SHROOM3: variants seen among roughly 807,000 people sequenced by gnomAD.
SHROOM3 encodes shroom family member 3.
In SHROOM3, 47 loss-of-function variants were observed where a neutral mutation model predicts 138.6. The ratio of observed to expected loss-of-function variants is 0.34; its 90% CI spans 0.27 to 0.43. The LOEUF is 0.43. Ranked by LOEUF, SHROOM3 falls within the 20% of genes least tolerant of loss-of-function variation. SHROOM3 has a pLI of 1.00. For synonymous variants in SHROOM3, 1,062 were observed against 1,063.3 expected (o/e 1.00, Z 0.02); for missense variants, 2,491 against 2,596.5 (o/e 0.96, Z 0.88).
intron 1 of SHROOM3, among the ~76,000 whole-genome samples, chr4:76,444,294 A>G (rs113450947): frequency 0.077 from 11,652 of 150,476 alleles, 529 homozygotes; most frequent in African/African-American, 0.12. Flanking sequence ...ATATGTATAT[A>G]TGTATATATA....
In SHROOM3 at chr4:76,741,357, G is replaced by C. The variant is rs770488289; in HGVS notation, c.3184G>C (p.Glu1062Gln). ...SSVADRRRLF[E>Q]RDGKACSTLS... Reference sequence around the variant, plus strand: ...CGTGGCCGACCGGCGCCGTCTCTTCGAGCGCGATGGCAAGGCCTGCTCCAC... The same window carrying C: ...CGTGGCCGACCGGCGCCGTCTCTTCCAGCGCGATGGCAAGGCCTGCTCCAC... Residue 1062 changes from glutamate to glutamine, a missense_variant, in exon 5 of 11, where the codon GAG becomes CAG. By Grantham distance (29) the Glu-to-Gln change is conservative (BLOSUM62 2). Coordinates refer to ENST00000296043, the MANE Select transcript of SHROOM3 (RefSeq NM_020859.4). This position sits in a 1 kb window ranked among gnomAD's most constrained non-coding sequence, Gnocchi z 6.2. 1.9e-6 allele frequency: 3 copies of C among 1,608,110 alleles called. No individual in the cohort carries two copies. Among genetic ancestry groups the C allele is most frequent in the South Asian group, 2.2e-5 (2 of 90,198 alleles).
rs1248987705 is a variant in SHROOM3 at position 76,667,261 on chromosome 4, G to A, written c.324-42895G>A. ...TGAATATACTTAATGCCCCTGGACT[G>A]TACACTTACATGTGGTTAAGATGGT... is the stretch of plus-strand genomic sequence containing the variant. On this transcript the variant is annotated intron_variant, in intron 2 of 10. Coordinates refer to ENST00000296043, the MANE Select transcript of SHROOM3 (RefSeq NM_020859.4). 2.0e-5 allele frequency among the ~76,000 whole-genome samples: 3 copies of A among 152,160 alleles called. No homozygotes were observed. In the East Asian group the frequency reaches 5.8e-4, roughly 29 times the overall value.
intron 2 of SHROOM3, among the ~76,000 whole-genome samples, chr4:76,582,171 T>G (rs1734064406): frequency 6.8e-6 from 1 of 146,972 alleles, no homozygotes; most frequent in African/African-American, 2.4e-5. Context: ...AAACAGTGTG[T>G]TAGAAGTTGG....
In SHROOM3 at chr4:76,739,781, T is replaced by C; in HGVS notation, c.1608T>C (p.His536=). 6.2e-7 allele frequency: 1 copy of C among 1,614,162 alleles called. No homozygotes were observed. The highest frequency in any genetic ancestry group is 8.5e-7 in the Non-Finnish European group (1 of 1,180,032). ...TTGCCTTCTGCCAGCCCTTAGAACA[T>C]GACTTGCTGTCCCCAGTGGAGAAGA... ...PGFAFCQPLE[H]DLLSPVEKKP... The change falls in exon 5 of 11, where the codon CAT becomes CAC. Residue 536 remains histidine (H), a synonymous_variant. Transcript: ENST00000296043.
At chr4:76,709,985 G>T (rs758554696) in intron 2 of SHROOM3, 171 bp from the exon 3 acceptor site, 3 of 709,864 alleles carry the variant, frequency 4.2e-6, no homozygotes, top group Non-Finnish European at 7.2e-6. Flanking sequence ...ATTCGCCTTC[G>T]TAGGGCAGAG....
intron 1 of SHROOM3, among the ~76,000 whole-genome samples, chr4:76,553,101 A>G (rs1204623960): frequency 6.6e-6 from 1 of 152,174 alleles, no homozygotes; most frequent in African/African-American, 2.4e-5. Flanking sequence ...TCTGATGTAA[A>G]GCAGGTGTTG....
At chr4:76,647,173 T>C (rs1394625850) in intron 2 of SHROOM3, among the ~76,000 whole-genome samples, 1 of 152,148 alleles carries the variant, frequency 6.6e-6, no homozygotes, top group Non-Finnish European at 1.5e-5. Flanking sequence ...AAGACAAATA[T>C]CATCGTATGT....
Position 76,521,516 on chromosome 4 carries a change from C to A in SHROOM3, c.169-34093C>A, listed in dbSNP as rs116349344. 9.8e-3 allele frequency among the ~76,000 whole-genome samples: 1,492 copies of A among 152,300 alleles called. 25 individuals carry two copies. The highest frequency in any genetic ancestry group is 0.032 in the African/African-American group (1,326 of 41,558). On this transcript the variant is annotated intron_variant, in intron 1 of 10. Transcript: ENST00000296043. ...TTGTTCTATACAGTCATCCTGATAACAATATTCCAAAGCTGTTAAGCTCAC... is the reference window on the plus strand; with the variant it reads ...TTGTTCTATACAGTCATCCTGATAAAAATATTCCAAAGCTGTTAAGCTCAC...
At chr4:76,593,778 T>C (rs1248930716) in intron 2 of SHROOM3, among the ~76,000 whole-genome samples, 9 of 152,172 alleles carry the variant, frequency 5.9e-5, no homozygotes, top group Admixed American at 5.2e-4. Flanking sequence ...AAGCAACTGA[T>C]TGTAGAAGCC....
intron 1 of SHROOM3, among the ~76,000 whole-genome samples, chr4:76,518,836 T>C (rs928949681): frequency 6.6e-6 from 1 of 152,054 alleles, no homozygotes; most frequent in Non-Finnish European, 1.5e-5. Context: ...CGATGTAAAC[T>C]CAATGAAGCA....
intron 1 of SHROOM3, among the ~76,000 whole-genome samples, chr4:76,486,980 T>C (rs1017379559): frequency 1.3e-5 from 2 of 152,090 alleles, no homozygotes; most frequent in Non-Finnish European, 2.9e-5. Context: ...TATACAATGA[T>C]TTTTAGTATA....
chr4:76,639,969 C>A (rs1735617836), intron 2 of SHROOM3, among the ~76,000 whole-genome samples: 1 of 152,026 alleles, frequency 6.6e-6, no homozygotes, highest in African/African-American at 2.4e-5. Context: ...TATGGTTACT[C>A]TTGTAACCAT....
intron 2 of SHROOM3, among the ~76,000 whole-genome samples, chr4:76,687,211 C>G (rs368222116): frequency 6.6e-6 from 1 of 152,168 alleles, no homozygotes. Flanking sequence ...CATGCACACC[C>G]TTTCTAAGAC....
chr4:76,440,148 G>A (rs985699688), intron 1 of SHROOM3, among the ~76,000 whole-genome samples: 19 of 152,280 alleles, frequency 1.2e-4, no homozygotes, highest in African/African-American at 4.1e-4. Flanking sequence ...AGCAACTGCC[G>A]GTACTTATTT....
At chr4:76,696,201 A>G (rs552000289) in intron 2 of SHROOM3, among the ~76,000 whole-genome samples, 1 of 152,308 alleles carries the variant, frequency 6.6e-6, no homozygotes, top group South Asian at 2.1e-4. Flanking sequence ...GCTCCACTTC[A>G]GTCTTTTAGT....
In SHROOM3 at chr4:76,738,936, A is replaced by G; in HGVS notation, c.763A>G (p.Lys255Glu). The G allele has an allele frequency of 1.9e-6, 3 of 1,614,152 alleles. No individual in the cohort carries two copies. Among genetic ancestry groups the G allele is most frequent in the Non-Finnish European group, 2.5e-6 (3 of 1,180,026 alleles). ...TGACCAGCTCAGCCACTTCCATAAC[A>G]AGAGAGACTCGGCTTACAGCTCTTT... ...SIDQLSHFHN[K>E]RDSAYSSFST... The change falls in exon 5 of 11, where the codon AAG becomes GAG. Residue 255 changes from lysine to glutamate, a missense_variant. By Grantham distance (56) the Lys-to-Glu change is moderately conservative (BLOSUM62 1). This residue lies in a region of SHROOM3 where 284 missense variants were observed against 322.8 expected (regional missense o/e 0.88). Transcript: ENST00000296043.
intron 2 of SHROOM3, among the ~76,000 whole-genome samples, chr4:76,692,941 C>A (rs989704153): frequency 6.6e-6 from 1 of 152,190 alleles, no homozygotes; most frequent in African/African-American, 2.4e-5. Context: ...ATTATCCACA[C>A]CCATCGAACT....
chr4:76,570,741 A>G (rs1246519498), intron 2 of SHROOM3, among the ~76,000 whole-genome samples: 1 of 152,210 alleles, frequency 6.6e-6, no homozygotes, highest in African/African-American at 2.4e-5. Context: ...AGGCGAACTT[A>G]TCTTTGCTAT....
Position 76,741,955 on chromosome 4 carries a change from G to A in SHROOM3, c.3753+29G>A, listed in dbSNP as rs761708218. The A allele has an allele frequency of 5.6e-6, 9 of 1,606,348 alleles. No homozygotes were observed. The highest frequency in any genetic ancestry group is 4.0e-5 in the African/African-American group (3 of 74,672). ...CGTGCAACCAGCAAGTCCTGGCCTC[G>A]AACTGTCCCTTCCTCCCTAGAAGCT... On this transcript the variant is annotated intron_variant, in intron 5 of 10. Transcript: ENST00000296043. This position sits in a 1 kb window ranked among gnomAD's most constrained non-coding sequence, Gnocchi z 6.2.
Sources: gnomAD v4.1 joint callset for allele counts (sites outside exome capture counted in the v4.1 genomes callset) on GRCh38, gnomAD v4.1.1 for gene constraint, gnomAD v4.1.1 regional missense constraint, Gnocchi (gnomAD v3.1) non-coding constraint, MANE v1.5 for transcripts, NCBI Gene and HGNC (gene_info 2026-07-23, HGNC 2026-07-21) for gene names.